Variants in CDH2 observed in about 807,000 individuals in gnomAD.
The protein encoded by CDH2 is cadherin 2, also known as cadherin-2.
Under a neutral mutation model 92.0 loss-of-function variants are expected in CDH2, and 17 were observed. That is an observed-to-expected ratio of 0.18 (90% confidence interval 0.13 to 0.28). The LOEUF (loss-of-function observed/expected upper bound fraction) is 0.28. Among genes scored for constraint, CDH2 ranks in the 10% least tolerant of loss-of-function variants. The probability of loss-of-function intolerance (pLI) is 1.00; values close to 1 mark genes in which losing one functional copy is unlikely to be tolerated. For synonymous variants in CDH2, 419 were observed against 415.9 expected (o/e 1.01, Z -0.09); for missense variants, 862 against 1,133.1 (o/e 0.76, Z 3.44).
intron 2 of CDH2, among the ~76,000 whole-genome samples, chr18:28,041,593 G>C (rs1298592129): frequency 2.0e-5 from 3 of 152,170 alleles, no homozygotes; most frequent in Non-Finnish European, 4.4e-5. Context: ...AACACTGTTA[G>C]CAGACTCAAA....
intron 15 of CDH2, among the ~76,000 whole-genome samples, chr18:27,955,136 C>T (rs1256095877): frequency 6.6e-6 from 1 of 152,044 alleles, no homozygotes; most frequent in East Asian, 1.9e-4. Flanking sequence ...ATCTGCTTTA[C>T]CACAATTTAA....
chr18:28,145,711 G>GT (rs1197566202), intron 2 of CDH2, among the ~76,000 whole-genome samples: 1 of 151,696 alleles, frequency 6.6e-6, no homozygotes, highest in Admixed American at 6.6e-5. Flanking sequence ...CCAAAAAGTT[G>GT]TTTTTTTCTA....
intron 1 of CDH2, chr18:28,159,027 TA>T (rs1006740464): frequency 4.6e-5 from 7 of 152,226 alleles, no homozygotes; most frequent in Non-Finnish European, 7.3e-5. Context: ...CAGCAATAGA[TA>T]TTATCTACAA....
At chr18:28,034,957 C>T (rs776031281) in intron 2 of CDH2, among the ~76,000 whole-genome samples, 10 of 151,764 alleles carry the variant, frequency 6.6e-5, no homozygotes, top group Non-Finnish European at 1.0e-4. Context: ...TTTGGAACTA[C>T]CTAATAAGGA....
chr18:27,971,616 T>C (rs1300316493), intron 14 of CDH2, among the ~76,000 whole-genome samples: 2 of 152,188 alleles, frequency 1.3e-5, no homozygotes, highest in Non-Finnish European at 2.9e-5. Context: ...ATGTGTACCC[T>C]GGCCACGAGT....
At chr18:28,025,641 C>T (rs546221878) in intron 2 of CDH2, among the ~76,000 whole-genome samples, 1 of 151,170 alleles carries the variant, frequency 6.6e-6, no homozygotes, top group African/African-American at 2.4e-5. Context: ...ATTATACATA[C>T]TTATAGGGTA....
chr18:28,114,648 T>C (rs546223919), intron 2 of CDH2, among the ~76,000 whole-genome samples: 1 of 152,256 alleles, frequency 6.6e-6, no homozygotes, highest in African/African-American at 2.4e-5. Context: ...TTTTTAATAA[T>C]GACTCACATA....
At chr18:28,103,066 TACTC>T (rs1015235546) in intron 2 of CDH2, among the ~76,000 whole-genome samples, 4 of 150,976 alleles carry the variant, frequency 2.6e-5, no homozygotes, top group African/African-American at 7.3e-5. Flanking sequence ...AGTAGGCTGA[TACTC>T]AGTAAACTGT....
chr18:27,996,268 A>AT (rs2012578227), intron 7 of CDH2, among the ~76,000 whole-genome samples: 2 of 152,056 alleles, frequency 1.3e-5, no homozygotes, highest in African/African-American at 4.8e-5. Flanking sequence ...AGACAAGTGG[A>AT]TGTTACACAG....
chr18:28,176,751 CGA>C (rs2016549044), intron 1 of CDH2, among the ~76,000 whole-genome samples: 1 of 151,716 alleles, frequency 6.6e-6, no homozygotes, highest in Non-Finnish European at 1.5e-5. Context: ...AGGAAAGGCG[CGA>C]GAGACCTACT....
At chr18:28,046,060 G>C (rs1020380737) in intron 2 of CDH2, among the ~76,000 whole-genome samples, 2 of 152,234 alleles carry the variant, frequency 1.3e-5, no homozygotes, top group African/African-American at 4.8e-5. Flanking sequence ...AGTCAAGTAT[G>C]TGATAAAGCT....
chr18:27,957,580 G>C (rs2011284553), intron 15 of CDH2, among the ~76,000 whole-genome samples: 1 of 151,990 alleles, frequency 6.6e-6, no homozygotes, highest in African/African-American at 2.4e-5. Context: ...TTGTTTGGAT[G>C]ACACTAGATT....
chr18:28,075,814 C>T (rs1025733548), intron 2 of CDH2, among the ~76,000 whole-genome samples: 1 of 152,152 alleles, frequency 6.6e-6, no homozygotes, highest in African/African-American at 2.4e-5. Flanking sequence ...GACCACAGAT[C>T]TTTAAATTGA....
chr18:28,125,465 G>C (rs2144280653), intron 2 of CDH2, among the ~76,000 whole-genome samples: 1 of 152,144 alleles, frequency 6.6e-6, no homozygotes, highest in Middle Eastern at 3.4e-3. Flanking sequence ...AGGAAGCCAG[G>C]ATGAAGTGGA....
In CDH2 at chr18:28,105,523, G is replaced by GA. The variant is rs1030767765; in HGVS notation, c.172+42149dup. Among the ~76,000 whole-genome samples, 177 of 151,120 alleles carry GA rather than the reference G, an allele frequency of 1.2e-3. 2 individuals are homozygous for GA. Among genetic ancestry groups the GA allele is most frequent in the Non-Finnish European group, 2.7e-4 (18 of 67,720 alleles). ...CATTTTCAAAATAAGCTTTTCATGAGAAAAAAAATACAGTCTCAATTAAAC... is the reference window on the plus strand; with the variant it reads ...CATTTTCAAAATAAGCTTTTCATGAGAAAAAAAAATACAGTCTCAATTAAAC... On this transcript the variant is annotated intron_variant, in intron 2 of 15. Coordinates refer to ENST00000269141, the MANE Select transcript of CDH2 (RefSeq NM_001792.5).
In CDH2 at chr18:28,005,513, G is replaced by A. The variant is rs185769239; in HGVS notation, c.847+336C>T. Among the ~76,000 whole-genome samples the A allele has an allele frequency of 5.3e-5, 8 of 152,262 alleles. No individual in the cohort carries two copies. The East Asian group carries it at 1.4e-3, about 26-fold the overall frequency. On this transcript the variant is annotated intron_variant, in intron 6 of 15. Coordinates refer to ENST00000269141, the MANE Select transcript of CDH2 (RefSeq NM_001792.5). ...GTACTTGATAAACAGAAAGCCTCTC[G>A]TCTTCTGGGGCTCACTTTCAAGATG...
chr18:28,155,607 A>T (rs1484394244), intron 1 of CDH2, among the ~76,000 whole-genome samples: 1 of 152,192 alleles, frequency 6.6e-6, no homozygotes, highest in Non-Finnish European at 1.5e-5. Flanking sequence ...GGAGGGTGAC[A>T]ACTATGGTAA....
At chr18:28,038,353 G>C (rs1785849) in intron 2 of CDH2, among the ~76,000 whole-genome samples, 3 of 152,038 alleles carry the variant, frequency 2.0e-5, no homozygotes, top group African/African-American at 7.2e-5. Context: ...AGCCTGGGAG[G>C]TGGAGGCTAC....
At chr18:28,044,633 A>G (rs2014033490) in intron 2 of CDH2, among the ~76,000 whole-genome samples, 2 of 152,170 alleles carry the variant, frequency 1.3e-5, no homozygotes, top group South Asian at 4.1e-4. Context: ...CCCATTCTAA[A>G]ACACTATTAA....
Sources: gnomAD v4.1 joint callset for allele counts (sites outside exome capture counted in the v4.1 genomes callset) on GRCh38, gnomAD v4.1.1 for gene constraint, MANE v1.5 for transcripts, NCBI Gene and HGNC (gene_info 2026-07-23, HGNC 2026-07-21) for gene names.